Variants in TRPM1 observed in about 807,000 individuals in gnomAD.
TRPM1 encodes the protein TRPM1-203 APA Isoform, Intron 10.
Under a neutral mutation model 149.4 loss-of-function variants are expected in TRPM1, and 113 were observed. That is an observed-to-expected ratio of 0.76 (90% CI 0.65 to 0.88). TRPM1 has a LOEUF of 0.88. Ranked by LOEUF, TRPM1 falls within the 40% of genes least tolerant of loss-of-function variation. The probability of loss-of-function intolerance (pLI) is 0.00; values close to 1 mark genes in which losing one functional copy is unlikely to be tolerated. For synonymous variants in TRPM1, 741 were observed against 759.5 expected (o/e 0.98, Z 0.40); for missense variants, 1,976 against 2,038.7 (o/e 0.97, Z 0.59).
rs953550951 is a variant in TRPM1 at position 31,115,618 on chromosome 15, G to A, written c.55-38634C>T. 2.0e-5 allele frequency among the ~76,000 whole-genome samples: 3 copies of A among 152,018 alleles called. No homozygotes were observed. The South Asian group carries it at 6.2e-4, about 32-fold the overall frequency. The stretch of plus-strand genomic sequence containing the variant: ...TAGGGTACCCCTCACACTTTTGTGA[G>A]TTTTACCTCCAAGCACTCCAGCAGA... On this transcript the variant is annotated intron_variant, in intron 1 of 26. Transcript: ENST00000542188.
intron 1 of TRPM1, among the ~76,000 whole-genome samples, chr15:31,135,070 TTAAACTTTTG>T (rs2141046611): frequency 6.6e-6 from 1 of 152,370 alleles, no homozygotes; most frequent in African/African-American, 2.4e-5. Context: ...ATACATATGA[TTAAACTTTTG>T]TTTGTTTCTC....
intron 1 of TRPM1, among the ~76,000 whole-genome samples, chr15:31,124,926 C>G (rs2035927918): frequency 6.6e-6 from 1 of 152,112 alleles, no homozygotes; most frequent in African/African-American, 2.4e-5. Flanking sequence ...GTAATCCCAA[C>G]ACTTTGGGAG....
chr15:31,106,084 G>A (rs8040166), upstream of TRPM1, among the ~76,000 whole-genome samples: 103,086 of 151,844 alleles, frequency 0.68, 35,186 homozygotes, highest in East Asian at 0.75. Context: ...TAGTCTGGCT[G>A]TGGCATCTGT....
At position 31,042,019 on chromosome 15, in the gene TRPM1, G is replaced by C. The variant is rs2033631052; in HGVS notation, c.2019C>G (p.Ala673=). The C allele has an allele frequency of 6.2e-7, 1 of 1,614,092 alleles. No individual in the cohort carries two copies. Among genetic ancestry groups the C allele is most frequent in the Non-Finnish European group, 8.5e-7 (1 of 1,180,034 alleles). Residue 673 remains alanine, a synonymous_variant, in exon 17 of 28, where the codon GCC becomes GCG. Transcript: ENST00000256552. ...CACTCTCGGAGGACTCGTGGGCCAT[G>C]GCCTTGTAGAGCTTGCAGGCCACCA... The part of the protein sequence containing the change: ...KALVACKLYK[A]MAHESSESDL...
At chr15:31,122,769 A>G (rs763636236) in intron 1 of TRPM1, among the ~76,000 whole-genome samples, 4 of 152,192 alleles carry the variant, frequency 2.6e-5, no homozygotes, top group Non-Finnish European at 5.9e-5. Context: ...TGATCTATAG[A>G]TGCAATGAAC....
At chr15:31,093,013 C>A (rs2035282741) in intron 1 of TRPM1, among the ~76,000 whole-genome samples, 1 of 152,140 alleles carries the variant, frequency 6.6e-6, no homozygotes, top group Non-Finnish European at 1.5e-5. Context: ...GTAATCCCAG[C>A]ACTTTGGGAG....
Position 31,028,436 on chromosome 15 carries a change from C to T in TRPM1, c.3189G>A (p.Arg1063=). ...GENLYDEEGK[R]LPPCIPGAWL... ...AGGCGCCGGGGATACAGGGAGGAAG[C>T]CGCTTGCCCTCCTCATCATATAGGT... Residue 1063 remains arginine, a synonymous_variant, in exon 25 of 28, where the codon CGG becomes CGA. Transcript: ENST00000256552. 1.9e-6 allele frequency: 3 copies of T among 1,614,088 alleles called. No homozygotes were observed. The highest frequency in any genetic ancestry group is 1.7e-4 in the Middle Eastern group (1 of 6,012).
At chr15:31,080,222 A>T (rs895547142) in intron 2 of TRPM1, among the ~76,000 whole-genome samples, 5 of 152,206 alleles carry the variant, frequency 3.3e-5, no homozygotes, top group Non-Finnish European at 5.9e-5. Flanking sequence ...TGCTAAAAGT[A>T]GTGGGTAAAA....
chr15:31,095,769 C>A (rs962708754), intron 1 of TRPM1, among the ~76,000 whole-genome samples: 10 of 151,492 alleles, frequency 6.6e-5, no homozygotes, highest in African/African-American at 2.4e-4. Flanking sequence ...AGGGGCCAGG[C>A]GCAGTGGCTC....
intron 7 of TRPM1, chr15:31,065,192 AC>A (rs2034336791): frequency 1.9e-6 from 1 of 519,112 alleles, no homozygotes; most frequent in African/African-American, 1.9e-5. Flanking sequence ...AGATGTGAGA[AC>A]AAAAAACATT....
At position 31,042,164 on chromosome 15, in the gene TRPM1, G is replaced by A. The variant is rs1205029228; in HGVS notation, c.1874C>T (p.Pro625Leu). The change falls in exon 17 of 28, where the codon CCT becomes CTT. Residue 625 changes from proline (P) to leucine (L), a missense_variant. Transcript: ENST00000256552. ...EEEIDIDVDDPAVSRFQYPFH... is the reference protein window; with the variant it reads ...EEEIDIDVDDLAVSRFQYPFH... Reference sequence around the variant, plus strand: ...GGGATACTGGAACCGACTCACGGCAGGGTCGTCCACATCAATGTCGATCTC... The same window carrying A: ...GGGATACTGGAACCGACTCACGGCAAGGTCGTCCACATCAATGTCGATCTC... 1.2e-6 allele frequency: 2 copies of A among 1,613,972 alleles called. No homozygotes were observed. The highest frequency in any genetic ancestry group is 1.7e-6 in the Non-Finnish European group (2 of 1,180,004).
chr15:31,105,472 T>TGTGTGTGC (rs1555429788), upstream of TRPM1, among the ~76,000 whole-genome samples: 3 of 83,772 alleles, frequency 3.6e-5, no homozygotes, highest in African/African-American at 1.2e-4. Context: ...TGTGTGTGTG[T>TGTGTGTGC]GCGCGCGCGC....
At chr15:31,066,975 T>G in intron 6 of TRPM1, 88 bp downstream of exon 6, 7 of 1,570,436 alleles carry the variant, frequency 4.5e-6, no homozygotes, top group Non-Finnish European at 6.1e-6. Flanking sequence ...TCTCTTATTA[T>G]TCTTACAACT....
intron 18 of TRPM1, 150 bp from the exon 19 acceptor site, chr15:31,038,316 C>G (rs1231932231): frequency 1.1e-6 from 1 of 913,128 alleles, no homozygotes; most frequent in Non-Finnish European, 1.6e-6. Flanking sequence ...GTGACATGTG[C>G]TTGGTAAATT....
chr15:31,160,885 C>T, intron 1 of TRPM1: 1 of 1,535,454 alleles, frequency 6.5e-7, no homozygotes, highest in South Asian at 1.2e-5. Flanking sequence ...TGCCCGCAGG[C>T]CACTGGCAAA....
chr15:31,113,646 C>G (rs976087341), intron 1 of TRPM1, among the ~76,000 whole-genome samples: 5 of 152,100 alleles, frequency 3.3e-5, no homozygotes, highest in African/African-American at 9.7e-5. Context: ...ATTATTTTAT[C>G]AACTAGTTTT....
chr15:31,153,543 C>G (rs779916297), intron 1 of TRPM1, among the ~76,000 whole-genome samples: 1 of 152,076 alleles, frequency 6.6e-6, no homozygotes, highest in South Asian at 2.1e-4. Flanking sequence ...CAGGCTGTCT[C>G]GAAATCCTAA....
intron 27 of TRPM1, among the ~76,000 whole-genome samples, chr15:31,007,261 T>C (rs754438506): frequency 1.3e-5 from 2 of 152,234 alleles, no homozygotes; most frequent in African/African-American, 2.4e-5. Context: ...CCATTCGTCG[T>C]TGAATTAGTT....
chr15:31,062,881 T>C, intron 8 of TRPM1, 179 bp from the exon 9 acceptor site: 1 of 988,556 alleles, frequency 1.0e-6, no homozygotes, highest in Non-Finnish European at 1.5e-6. Flanking sequence ...CCAGCTTTGT[T>C]GCAAACTTTC....
Sources: gnomAD v4.1 joint callset for allele counts (sites outside exome capture counted in the v4.1 genomes callset) on GRCh38, gnomAD v4.1.1 for gene constraint, MANE v1.5 for transcripts, NCBI Gene and HGNC (gene_info 2026-07-23, HGNC 2026-07-21) for gene names.